The following XIAP variants were observed in gnomAD, a reference collection of about 807,000 sequenced individuals.
The protein encoded by XIAP is E3 ubiquitin-protein ligase XIAP.
A neutral mutation model predicts 33.1 loss-of-function variants in XIAP; 3 were observed. The ratio of observed to expected loss-of-function variants is 0.09; its 90% CI spans 0.04 to 0.23. The LOEUF (loss-of-function observed/expected upper bound fraction) is 0.23. Among genes scored for constraint, XIAP ranks in the 10% least tolerant of loss-of-function variants. The probability of loss-of-function intolerance (pLI) is 1.00; values close to 1 mark genes in which losing one functional copy is unlikely to be tolerated. For missense variants in XIAP, 264 were observed against 363.0 expected (o/e 0.73, Z 2.22); for synonymous variants, 98 against 121.3 (o/e 0.81, Z 1.26).
At chrX:123,864,581 C>T (rs1375566393) in intron 1 of XIAP, among the ~76,000 whole-genome samples, 1 of 107,646 alleles carries the variant, frequency 9.3e-6, no homozygotes, top group Non-Finnish European at 1.9e-5. Context: ...ATTCTCCTGC[C>T]TCAGCCTCTC....
intron 1 of XIAP, among the ~76,000 whole-genome samples, chrX:123,880,365 C>T (rs1161302573): frequency 3.5e-4 from 35 of 99,332 alleles, no homozygotes; most frequent in African/African-American, 9.9e-4. Context: ...GAACCGAGGT[C>T]GTGCCATTGC....
chrX:123,886,624 A>G (rs1328698495), intron 2 of XIAP, 85 bp downstream of exon 2: 19 of 1,014,496 alleles, frequency 1.9e-5, no homozygotes, highest in Non-Finnish European at 2.6e-5. Context: ...AGCCCCCTGA[A>G]CTGGTAAATA....
rs1183404777 is a variant in XIAP at position 123,913,190 on chromosome X, C to T, written c.*6009C>T. ...TTGTATCTTCAAAGTAGACAAATGG[C>T]GCCGGGCACGGTGGCTCACGCCTGT... On this transcript the variant is annotated 3_prime_UTR_variant, in exon 7 of 7. Transcript: ENST00000371199. 30 of 326,620 alleles carry T rather than the reference C, an allele frequency of 9.2e-5. No individual in the cohort carries two copies. The highest frequency in any genetic ancestry group is 7.1e-4 in the South Asian group (27 of 38,258). 26.9% of individuals were successfully genotyped at this position (326,620 alleles called of 1,213,427 possible). A position where few individuals can be genotyped will look rare whatever the true frequency, so the allele number is the denominator to read the frequency against.
rs1172585573 is a variant in XIAP, at chrX:123,912,810, G to C, written c.*5629G>C. On this transcript the variant is annotated 3_prime_UTR_variant, in exon 7 of 7. Transcript: ENST00000371199. ...TGGGACTACAGGCATGCTCCACGGT[G>C]CCCAGTTAATTTTTTTTGTATTCTT... The C allele has an allele frequency of 3.1e-6, 1 of 320,677 alleles. No individual in the cohort carries two copies. The highest frequency in any genetic ancestry group is 6.0e-6 in the Non-Finnish European group (1 of 166,422). 26.4% of individuals were successfully genotyped at this position (320,677 alleles called of 1,213,427 possible). A position where few individuals can be genotyped will look rare whatever the true frequency, so the allele number is the denominator to read the frequency against.
In XIAP at chrX:123,900,702, T is replaced by C; in HGVS notation, c.1300+9T>C. 8.3e-7 allele frequency: 1 copy of C among 1,206,777 alleles called. No homozygotes were observed. The highest frequency in any genetic ancestry group is 1.1e-6 in the Non-Finnish European group (1 of 890,963). On this transcript the variant is annotated intron_variant, in intron 6 of 6. Transcript: ENST00000371199. The stretch of plus-strand genomic sequence containing the variant: ...GACTTCATTACAGAAAGGTATGCAT[T>C]GCTGTTTTTAAAAAGCAAGAAAGGG...
chrX:123,885,614 T>C lies in XIAP; in HGVS notation c.-32-17T>C, dbSNP rs1464600692. 8.4e-7 allele frequency: 1 copy of C among 1,184,266 alleles called. No homozygotes were observed. Among genetic ancestry groups the C allele is most frequent in the Non-Finnish European group, 1.1e-6 (1 of 878,381 alleles). Reference sequence around the variant, plus strand: ...GTTTCACATTTTGGATTTCCTAATATAATGTTCTCTTTTTAGAAAAGGTGG... The same window carrying C: ...GTTTCACATTTTGGATTTCCTAATACAATGTTCTCTTTTTAGAAAAGGTGG... On this transcript the variant is annotated splice_polypyrimidine_tract_variant and intron_variant, in intron 1 of 6. Transcript: ENST00000371199.
At chrX:123,867,859 A>G (rs925000433) in intron 1 of XIAP, among the ~76,000 whole-genome samples, 10 of 107,850 alleles carry the variant, frequency 9.3e-5, no homozygotes, top group Non-Finnish European at 1.9e-4. Flanking sequence ...TATTTTTAGT[A>G]GAGATAGTGT....
intron 2 of XIAP, among the ~76,000 whole-genome samples, chrX:123,887,716 G>A (rs988677866): frequency 1.8e-5 from 2 of 111,514 alleles, no homozygotes; most frequent in African/African-American, 6.5e-5. Context: ...GGGCGCGGTG[G>A]CTCCCGCCTA....
At position 123,908,416 on chromosome X, in the gene XIAP, C is replaced by T. The variant is rs781352833; in HGVS notation, c.*1235C>T. On this transcript the variant is annotated 3_prime_UTR_variant, in exon 7 of 7. Transcript: ENST00000371199. ...GTTTAAGCCTGCCTAAGTCACTTTA[C>T]TAAAAGATCTTTGTTAACTCAGTAT... 2.7e-6 allele frequency: 1 copy of T among 375,101 alleles called. No individual in the cohort carries two copies. Among genetic ancestry groups the T allele is most frequent in the African/African-American group, 2.5e-5 (1 of 40,059 alleles). The allele number at this position is 375,101 out of a possible 1,213,427, so 30.9% of individuals were successfully genotyped here. A position where few individuals can be genotyped will look rare whatever the true frequency, so the allele number is the denominator to read the frequency against.
At position 123,910,238 on chromosome X, in the gene XIAP, C is replaced by T. The variant is rs755132496; in HGVS notation, c.*3057C>T. 2.4e-5 allele frequency: 8 copies of T among 327,692 alleles called. No homozygotes were observed. The highest frequency in any genetic ancestry group is 1.3e-4 in the African/African-American group (5 of 37,573). 27.0% of individuals were successfully genotyped at this position (327,692 alleles called of 1,213,427 possible). A position where few individuals can be genotyped will look rare whatever the true frequency, so the allele number is the denominator to read the frequency against. ...CCTTTCCTGCTACATTTGGTTTTTT[C>T]CCCTGTCCCTTTGATTACGGGCTAA... On this transcript the variant is annotated 3_prime_UTR_variant, in exon 7 of 7. Coordinates refer to ENST00000371199, the MANE Select transcript of XIAP (RefSeq NM_001167.4).
Position 123,908,367 on chromosome X carries a change from A to G in XIAP, c.*1186A>G. On this transcript the variant is annotated 3_prime_UTR_variant, in exon 7 of 7. Coordinates refer to ENST00000371199, the MANE Select transcript of XIAP (RefSeq NM_001167.4). The stretch of plus-strand genomic sequence containing the variant: ...TCTCAGATCTTCCAATTAATTAGTA[A>G]GGATTCATCCTTAATCCTTGCTAGT... 2.7e-6 allele frequency: 1 copy of G among 373,672 alleles called. No individual in the cohort carries two copies. The highest frequency in any genetic ancestry group is 2.6e-5 in the South Asian group (1 of 38,370). 30.8% of individuals were successfully genotyped at this position (373,672 alleles called of 1,213,427 possible). A position where few individuals can be genotyped will look rare whatever the true frequency, so the allele number is the denominator to read the frequency against.
At chrX:123,898,977 C>G (rs1358012434) in intron 5 of XIAP, among the ~76,000 whole-genome samples, 1 of 102,031 alleles carries the variant, frequency 9.8e-6, no homozygotes, top group Non-Finnish European at 2.0e-5. Context: ...AAAAATTAGC[C>G]AGGCGTGGTG....
chrX:123,885,997 A>C lies in XIAP; in HGVS notation c.335A>C (p.Asn112Thr). ...ATQSTNSGIQ[N>T]GQYKVENYLG... ...CAGTCTACAAATTCTGGTATCCAGAATGGTCAGTACAAAGTTGAAAACTAT... is the reference window on the plus strand; with the variant it reads ...CAGTCTACAAATTCTGGTATCCAGACTGGTCAGTACAAAGTTGAAAACTAT... The change falls in exon 2 of 7, where the codon AAT (asparagine) becomes ACT (threonine). Residue 112 changes from asparagine to threonine, a missense_variant. Physicochemically the swap from Asn to Thr is moderately conservative, Grantham distance 65. Coordinates refer to ENST00000371199, the MANE Select transcript of XIAP (RefSeq NM_001167.4). The C allele has an allele frequency of 2.5e-6, 3 of 1,212,080 alleles. No individual in the cohort carries two copies. The highest frequency in any genetic ancestry group is 3.3e-6 in the Non-Finnish European group (3 of 895,623).
intron 1 of XIAP, among the ~76,000 whole-genome samples, chrX:123,884,249 C>T (rs925113130): frequency 1.2e-4 from 13 of 111,387 alleles, no homozygotes; most frequent in Non-Finnish European, 2.5e-4. Context: ...TTTGGAAGGC[C>T]GAGGCGGGCA....
At chrX:123,886,625 C>T (rs1315699525) in intron 2 of XIAP, 86 bp downstream of exon 2, 1 of 1,012,648 alleles carries the variant, frequency 9.9e-7, no homozygotes, top group Non-Finnish European at 1.4e-6. Flanking sequence ...GCCCCCTGAA[C>T]TGGTAAATAT....
At chrX:123,867,895 C>T (rs1054717509) in intron 1 of XIAP, among the ~76,000 whole-genome samples, 1 of 110,658 alleles carries the variant, frequency 9.0e-6, no homozygotes, top group Non-Finnish European at 1.9e-5. Context: ...AGGCTGGTCT[C>T]GAACTCCTGA....
Position 123,900,516 on chromosome X carries a change from A to G in XIAP, c.1123A>G (p.Met375Val), listed in dbSNP as rs2053506016. The change falls in exon 6 of 7, where the codon ATG (methionine) becomes GTG (valine). Residue 375 changes from methionine to valine, a missense_variant. Physicochemically the swap from Met to Val is conservative, Grantham distance 21. Transcript: ENST00000371199. ...AGATGATACCATCTTCCAAAATCCT[A>G]TGGTACAAGAAGCTATACGAATGGG... Reference protein sequence around the residue: ...RIDDTIFQNPMVQEAIRMGFS... With the variant: ...RIDDTIFQNPVVQEAIRMGFS... 5.0e-6 allele frequency: 6 copies of G among 1,210,484 alleles called. No individual in the cohort carries two copies. The highest frequency in any genetic ancestry group is 3.5e-5 in the South Asian group (2 of 56,860).
At chrX:123,901,432 G>A (rs2053513578) in intron 6 of XIAP, among the ~76,000 whole-genome samples, 1 of 111,456 alleles carries the variant, frequency 9.0e-6, no homozygotes, top group Admixed American at 9.6e-5. Flanking sequence ...TGTAGTGCTT[G>A]CCAACAACAT....
chrX:123,897,334 A>C (rs55953258), intron 5 of XIAP, among the ~76,000 whole-genome samples: 21,457 of 111,216 alleles, frequency 0.19, 1,481 homozygotes, highest in South Asian at 0.39. Context: ...AGGGTCACCA[A>C]GGTTTATACC....
Sources: allele counts gnomAD v4.1 joint callset (sites outside exome capture counted in the v4.1 genomes callset), GRCh38; gene constraint gnomAD v4.1.1; transcripts MANE v1.5; gene names NCBI Gene and HGNC (gene_info 2026-07-23, HGNC 2026-07-21).